Variants in ENOX1 observed in about 807,000 individuals in gnomAD.
The protein encoded by ENOX1 is ecto-NOX disulfide-thiol exchanger 1.
Under a neutral mutation model 82.5 loss-of-function variants are expected in ENOX1, and 42 were observed. The observed-to-expected ratio is 0.51, with a 90% confidence interval of 0.40 to 0.66. The LOEUF (loss-of-function observed/expected upper bound fraction) is 0.66. Among genes scored for constraint, ENOX1 ranks in the 30% least tolerant of loss-of-function variants. The pLI, the probability that ENOX1 is intolerant of heterozygous loss-of-function variation, is 0.00. For synonymous variants in ENOX1, 271 were observed against 282.2 expected (o/e 0.96, Z 0.40); for missense variants, 608 against 811.6 (o/e 0.75, Z 3.05).
chr13:43,680,681 G>A (rs749982837), intron 1 of ENOX1, among the ~76,000 whole-genome samples: 1 of 152,068 alleles, frequency 6.6e-6, no homozygotes, highest in Non-Finnish European at 1.5e-5. Flanking sequence ...TTGTTATGAG[G>A]ATTAAACGGA....
At chr13:43,600,949 C>T (rs1251593043) in intron 2 of ENOX1, among the ~76,000 whole-genome samples, 1 of 152,176 alleles carries the variant, frequency 6.6e-6, no homozygotes. Context: ...TCTGAGTCTG[C>T]AAGCGTCACA....
intron 3 of ENOX1, among the ~76,000 whole-genome samples, chr13:43,473,072 G>A (rs181160835): frequency 5.9e-5 from 9 of 152,062 alleles, no homozygotes; most frequent in Non-Finnish European, 1.2e-4. Flanking sequence ...ATTTTCTATG[G>A]GTCTTGTATT....
intron 8 of ENOX1, among the ~76,000 whole-genome samples, chr13:43,353,257 T>C (rs60554637): frequency 0.015 from 2,251 of 152,290 alleles, 65 homozygotes; most frequent in African/African-American, 0.051. Context: ...AGTTTTAGCA[T>C]TGGACAGGAC....
Position 43,484,134 on chromosome 13 carries a change from T to C in ENOX1, c.-200A>G. ...GAAGTCTCATGGAAGACAGCATGGT[T>C]CTGACATATCAGAGGCTTCTGGAAG... On this transcript the variant is annotated 5_prime_UTR_variant, in exon 3 of 17. Transcript: ENST00000690772. The C allele has an allele frequency of 2.0e-6, 2 of 985,520 alleles. No individual in the cohort carries two copies. Among genetic ancestry groups the C allele is most frequent in the Non-Finnish European group, 2.4e-6 (2 of 829,914 alleles). 61.0% of individuals were successfully genotyped at this position (985,520 alleles called of 1,614,324 possible).
intron 2 of ENOX1, among the ~76,000 whole-genome samples, chr13:43,487,049 T>A (rs552427233): frequency 1.8e-3 from 276 of 152,076 alleles, no homozygotes; most frequent in African/African-American, 6.5e-3. Flanking sequence ...TGCATGCCTG[T>A]AATCCCAGCT....
At chr13:43,411,076 C>A (rs2153598384) in intron 5 of ENOX1, among the ~76,000 whole-genome samples, 1 of 152,302 alleles carries the variant, frequency 6.6e-6, no homozygotes, top group South Asian at 2.1e-4. Flanking sequence ...CTGATAACAT[C>A]TTTCCTCAAA....
At position 43,362,184 on chromosome 13, in the gene ENOX1, C is replaced by CAA; in HGVS notation, c.209-733_209-732insTT. 1.4e-5 allele frequency among the ~76,000 whole-genome samples: 2 copies of CAA among 147,500 alleles called. 1 individual carries two copies. The highest frequency in any genetic ancestry group is 4.1e-4 in the East Asian group (2 of 4,902). ...ACACACACACACACACACACACACA[C>CAA]ACACACTTGAAAATAGAAAGTGTGC... On this transcript the variant is annotated intron_variant, in intron 5 of 16. Coordinates refer to ENST00000690772, the MANE Select transcript of ENOX1 (RefSeq NM_001347969.2).
chr13:43,619,313 T>C (rs1277109305), intron 2 of ENOX1, among the ~76,000 whole-genome samples: 1 of 152,122 alleles, frequency 6.6e-6, no homozygotes, highest in Non-Finnish European at 1.5e-5. Context: ...CCTTGTCTTG[T>C]TCTCATCTTG....
intron 2 of ENOX1, among the ~76,000 whole-genome samples, chr13:43,591,068 A>T (rs1459360540): frequency 1.3e-5 from 2 of 152,228 alleles, no homozygotes; most frequent in Non-Finnish European, 2.9e-5. Context: ...CACTTTACAC[A>T]GTAATTTAGC....
chr13:43,641,621 C>T (rs148681304), intron 2 of ENOX1, among the ~76,000 whole-genome samples: 1,864 of 133,508 alleles, frequency 0.014, 22 homozygotes, highest in South Asian at 0.031. Flanking sequence ...CTGCAAGCTC[C>T]GCCTCCCAGT....
At chr13:43,290,872 CA>C (rs2153501294) in intron 12 of ENOX1, among the ~76,000 whole-genome samples, 1 of 152,100 alleles carries the variant, frequency 6.6e-6, no homozygotes, top group Non-Finnish European at 1.5e-5. Context: ...ACAAAAAATA[CA>C]AAAATTAACC....
chr13:43,269,406 C>G lies in ENOX1; in HGVS notation c.1554+64G>C, dbSNP rs938678979. 8 of 1,244,592 alleles carry G rather than the reference C, an allele frequency of 6.4e-6. No homozygotes were observed. In the African/African-American group the frequency reaches 1.2e-4, roughly 18 times the overall value. The allele number at this position is 1,244,592 out of a possible 1,614,324, so 77.1% of individuals were successfully genotyped here. ...AGTAAATGTTTGCACGGGTGACGCACAAGGGAGGTATGCAATGGGGTGTTT... is the reference window on the plus strand; with the variant it reads ...AGTAAATGTTTGCACGGGTGACGCAGAAGGGAGGTATGCAATGGGGTGTTT... On this transcript the variant is annotated intron_variant, in intron 13 of 16. Coordinates refer to ENST00000690772, the MANE Select transcript of ENOX1 (RefSeq NM_001347969.2).
chr13:43,400,383 C>T (rs2053426951), intron 5 of ENOX1, among the ~76,000 whole-genome samples: 1 of 152,240 alleles, frequency 6.6e-6, no homozygotes, highest in Admixed American at 6.5e-5. Context: ...CCCACCTGCT[C>T]TGCATTCTGG....
chr13:43,490,492 T>G (rs544230178), intron 2 of ENOX1, among the ~76,000 whole-genome samples: 1 of 152,148 alleles, frequency 6.6e-6, no homozygotes, highest in Non-Finnish European at 1.5e-5. Context: ...ATATTATGGT[T>G]AAAATGTGTC....
Position 43,783,852 on chromosome 13 carries a change from CA to C in ENOX1, c.-285+2799del, listed in dbSNP as rs796626271. Among the ~76,000 whole-genome samples, 15 of 150,284 alleles carry C rather than the reference CA, an allele frequency of 1.0e-4. No individual in the cohort carries two copies. The East Asian group carries it at 1.5e-3, about 16-fold the overall frequency. On this transcript the variant is annotated intron_variant, in intron 1 of 16. Transcript: ENST00000690772. ...CATTTAATATTCCTTAAAAAACATC[CA>C]AAAAAAAAGAAACAGCTTCACCTTA... is the stretch of plus-strand genomic sequence containing the variant.
At chr13:43,731,554 G>T (rs2089351301) in intron 1 of ENOX1, among the ~76,000 whole-genome samples, 2 of 146,296 alleles carry the variant, frequency 1.4e-5, no homozygotes, top group African/African-American at 2.5e-5. Flanking sequence ...GGAAGAATTT[G>T]AGAAAAAAAT....
intron 1 of ENOX1, among the ~76,000 whole-genome samples, chr13:43,749,945 A>G (rs1420465346): frequency 6.6e-6 from 1 of 152,216 alleles, no homozygotes; most frequent in Non-Finnish European, 1.5e-5. Flanking sequence ...ACATACCCCA[A>G]TAATTCGACT....
intron 15 of ENOX1, among the ~76,000 whole-genome samples, chr13:43,235,185 A>G (rs2042472901): frequency 6.6e-6 from 1 of 152,222 alleles, no homozygotes; most frequent in Non-Finnish European, 1.5e-5. Flanking sequence ...TGGAACTGAT[A>G]GCACATCAGC....
intron 3 of ENOX1, among the ~76,000 whole-genome samples, chr13:43,433,130 C>G (rs1000736073): frequency 6.6e-6 from 1 of 152,132 alleles, no homozygotes; most frequent in Non-Finnish European, 1.5e-5. Context: ...GCAGGCTGTA[C>G]AAAAGGCATG....
Sources: allele counts gnomAD v4.1 joint callset (sites outside exome capture counted in the v4.1 genomes callset), GRCh38; gene constraint gnomAD v4.1.1; transcripts MANE v1.5; gene names NCBI Gene and HGNC (gene_info 2026-07-23, HGNC 2026-07-21).